ADAMTS14: variants seen among roughly 807,000 people sequenced by gnomAD.
The protein encoded by ADAMTS14 is A disintegrin and metalloproteinase with thrombospondin motifs 14.
ADAMTS14 carries 100 observed loss-of-function variants against 128.6 expected under a neutral mutation model. That is an observed-to-expected ratio of 0.78 (90% CI 0.66 to 0.92). ADAMTS14 has a LOEUF of 0.92. Ranked by LOEUF, ADAMTS14 falls within the 40% of genes least tolerant of loss-of-function variation. ADAMTS14 has a pLI of 0.00. For synonymous variants in ADAMTS14, 665 were observed against 653.8 expected, an observed-to-expected ratio of 1.02 and a Z score of -0.26; for missense variants, 1,562 against 1,658.6, an observed-to-expected ratio of 0.94 and a Z score of 1.01.
chr10:70,743,162 A>G (rs1381602258), intron 12 of ADAMTS14, among the ~76,000 whole-genome samples: 1 of 152,214 alleles, frequency 6.6e-6, no homozygotes, highest in Non-Finnish European at 1.5e-5. Flanking sequence ...AGAGGGTTAA[A>G]TGAGTTAATT....
intron 4 of ADAMTS14, among the ~76,000 whole-genome samples, chr10:70,712,558 T>A (rs1322009327): frequency 6.6e-6 from 1 of 152,154 alleles, no homozygotes; most frequent in Non-Finnish European, 1.5e-5. Flanking sequence ...AATTTTATAA[T>A]GAATGTGCAA....
In ADAMTS14 at chr10:70,745,121, AT is replaced by A; in HGVS notation, c.2183-104del. On this transcript the variant is annotated intron_variant, in intron 14 of 21. Transcript: ENST00000373207. ...TACAGAGATTCAGAGAGGTTCTGTG[AT>A]CAAATGAGATGTTCCTGGGTGCCCA... is the stretch of plus-strand genomic sequence containing the variant. The A allele has an allele frequency of 2.9e-6, 3 of 1,019,694 alleles. No individual in the cohort carries two copies. In the East Asian group the frequency reaches 7.2e-5, roughly 24 times the overall value. The allele number at this position is 1,019,694 out of a possible 1,614,324, so 63.2% of individuals were successfully genotyped here.
intron 19 of ADAMTS14, among the ~76,000 whole-genome samples, chr10:70,756,816 T>C (rs145554560): frequency 6.6e-6 from 1 of 152,344 alleles, no homozygotes; most frequent in African/African-American, 2.4e-5. Context: ...TTGGAGCAGG[T>C]GCTAGGTGCC....
chr10:70,679,819 C>T (rs757237461), intron 2 of ADAMTS14, among the ~76,000 whole-genome samples: 1 of 152,194 alleles, frequency 6.6e-6, no homozygotes, highest in Middle Eastern at 3.2e-3. Flanking sequence ...ACTGAGTAGA[C>T]CCTGGCAGAC....
chr10:70,701,413 T>C (rs950081301), intron 2 of ADAMTS14, among the ~76,000 whole-genome samples: 1 of 152,286 alleles, frequency 6.6e-6, no homozygotes, highest in Admixed American at 6.5e-5. Flanking sequence ...ATTTATTTGC[T>C]AAATAATGCC....
chr10:70,753,847 T>C lies in ADAMTS14; in HGVS notation c.2777T>C (p.Leu926Pro). 6.3e-7 allele frequency: 1 copy of C among 1,593,956 alleles called. No homozygotes were observed. ...GCCTGCAGCCGGAGCTGTGGGAAGC[T>C]GGGGGTGCAGACACGGGGGATACAG... is the stretch of plus-strand genomic sequence containing the variant. The part of the protein sequence containing the change: ...WGACSRSCGK[L>P]GVQTRGIQCL... Residue 926 changes from leucine (L) to proline (P), a missense_variant, in exon 19 of 22, where the codon CTG becomes CCG. Physicochemically the swap from Leu to Pro is moderately conservative, Grantham distance 98. Transcript: ENST00000373207.
intron 2 of ADAMTS14, among the ~76,000 whole-genome samples, chr10:70,687,245 C>A (rs1839998870): frequency 9.0e-6 from 1 of 111,062 alleles, no homozygotes. Context: ...GGCTGACCCC[C>A]CCACCTCCCT....
chr10:70,747,683 C>A (rs1589333619), intron 15 of ADAMTS14, among the ~76,000 whole-genome samples: 1 of 152,174 alleles, frequency 6.6e-6, no homozygotes, highest in Non-Finnish European at 1.5e-5. Flanking sequence ...CCGGGGCAGG[C>A]CGAGTGCGGG....
intron 2 of ADAMTS14, among the ~76,000 whole-genome samples, chr10:70,683,390 A>C: frequency 6.6e-6 from 1 of 152,130 alleles, no homozygotes; most frequent in African/African-American, 2.4e-5. Context: ...AGTCTTTGGA[A>C]AGAAAGGGGG....
intron 1 of ADAMTS14, among the ~76,000 whole-genome samples, chr10:70,673,187 A>G (rs1374210315): frequency 4.0e-5 from 6 of 151,002 alleles, no homozygotes; most frequent in African/African-American, 1.5e-4. Flanking sequence ...CTCTTCCCCA[A>G]TCTGTTTCTC....
intron 2 of ADAMTS14, among the ~76,000 whole-genome samples, chr10:70,701,849 C>G (rs1033059417): frequency 6.6e-6 from 1 of 152,184 alleles, no homozygotes; most frequent in South Asian, 2.1e-4. Context: ...GGGACAAACA[C>G]GCACCTTAGG....
At chr10:70,712,829 T>C (rs141080870) in intron 4 of ADAMTS14, among the ~76,000 whole-genome samples, 95 of 152,350 alleles carry the variant, frequency 6.2e-4, no homozygotes, top group African/African-American at 2.1e-3. Context: ...GTCTGATGAC[T>C]TGTCCTCCTT....
intron 17 of ADAMTS14, 100 bp from the exon 18 acceptor site, chr10:70,751,995 T>A: frequency 6.7e-7 from 1 of 1,496,660 alleles, no homozygotes; most frequent in South Asian, 1.3e-5. Context: ...GGAGGTGGGA[T>A]TGGCCCACAA....
rs527610293 is a variant in ADAMTS14, at chr10:70,702,232, C to T, written c.523-80C>T. 3 of 1,588,676 alleles carry T rather than the reference C, an allele frequency of 1.9e-6. No homozygotes were observed. In the East Asian group the frequency reaches 6.7e-5, roughly 36 times the overall value. On this transcript the variant is annotated intron_variant, in intron 2 of 21. Transcript: ENST00000373207. ...ATGTAGGGTCACATATGTGCATTCA[C>T]AGATGCTCGCCTGTCGGCTGTACTG... is the stretch of plus-strand genomic sequence containing the variant.
At chr10:70,676,402 CT>C (rs1203279519) in intron 2 of ADAMTS14, among the ~76,000 whole-genome samples, 1 of 152,196 alleles carries the variant, frequency 6.6e-6, no homozygotes, top group East Asian at 1.9e-4. Context: ...ATATTTTTGC[CT>C]TCCCCAGAAT....
intron 7 of ADAMTS14, 78 bp from the exon 8 acceptor site, chr10:70,733,807 G>A (rs1224893545): frequency 1.0e-5 from 16 of 1,541,734 alleles, no homozygotes; most frequent in Non-Finnish European, 1.4e-5. Context: ...GTCTCCTGCT[G>A]CTGGCCTGCC....
chr10:70,688,891 G>GA, intron 2 of ADAMTS14, among the ~76,000 whole-genome samples: 1 of 58,828 alleles, frequency 1.7e-5, no homozygotes, highest in East Asian at 6.9e-4. Flanking sequence ...GAGGGGGAGG[G>GA]GGAGGGAGAG....
At chr10:70,729,539 T>C (rs762556717) in intron 5 of ADAMTS14, among the ~76,000 whole-genome samples, 162 bp downstream of exon 5, 13 of 152,084 alleles carry the variant, frequency 8.5e-5, no homozygotes, top group Non-Finnish European at 1.6e-4. Context: ...ATGGAGCCTT[T>C]GGAGGTGGTA....
intron 14 of ADAMTS14, 26 bp from the exon 15 acceptor site, chr10:70,745,200 G>A (rs11599374): frequency 8.7e-6 from 14 of 1,603,974 alleles, no homozygotes; most frequent in South Asian, 2.2e-5. Flanking sequence ...GGATGCTCAC[G>A]ACTTCTGGAT....
Sources: gnomAD v4.1 joint callset for allele counts (sites outside exome capture counted in the v4.1 genomes callset) on GRCh38, gnomAD v4.1.1 for gene constraint, MANE v1.5 for transcripts, NCBI Gene and HGNC (gene_info 2026-07-23, HGNC 2026-07-21) for gene names.